The following GAP43 variants were observed in gnomAD, a reference collection of about 807,000 sequenced individuals.
GAP43 encodes neuromodulin.
A neutral mutation model predicts 18.6 loss-of-function variants in GAP43; 6 were observed. That is an observed-to-expected ratio of 0.32 (90% CI 0.18 to 0.64). The LOEUF is 0.64. Among genes scored for constraint, GAP43 ranks in the 30% least tolerant of loss-of-function variants. The pLI is 0.78. For missense variants in GAP43, 292 were observed against 295.5 expected (o/e 0.99, Z 0.09); for synonymous variants, 115 against 111.4 (o/e 1.03, Z -0.20).
intron 2 of GAP43, among the ~76,000 whole-genome samples, chr3:115,710,486 T>G (rs1051062518): frequency 6.6e-6 from 1 of 152,154 alleles, no homozygotes; most frequent in African/African-American, 2.4e-5. Context: ...GATTCATTGA[T>G]CAGTATAAAA....
intron 1 of GAP43, among the ~76,000 whole-genome samples, chr3:115,651,902 C>T (rs1288350878): frequency 1.3e-5 from 2 of 152,154 alleles, no homozygotes; most frequent in Non-Finnish European, 2.9e-5. Context: ...TTGTTACTCT[C>T]CTCCTCTAAG....
intron 2 of GAP43, among the ~76,000 whole-genome samples, chr3:115,681,496 C>T (rs1219117865): frequency 6.6e-6 from 1 of 152,092 alleles, no homozygotes; most frequent in Non-Finnish European, 1.5e-5. Flanking sequence ...GTCCTACCTG[C>T]CTTGTAATAT....
intron 2 of GAP43, among the ~76,000 whole-genome samples, chr3:115,677,167 G>T (rs958418562): frequency 1.3e-5 from 2 of 152,178 alleles, no homozygotes; most frequent in Admixed American, 1.3e-4. Flanking sequence ...TTGGTGAGTA[G>T]TGTGTGTATA....
intron 1 of GAP43, 34 bp downstream of exon 1, chr3:115,623,753 T>C (rs1708144375): frequency 6.2e-7 from 1 of 1,612,614 alleles, no homozygotes; most frequent in Non-Finnish European, 8.5e-7. Flanking sequence ...CTTGCTGTTG[T>C]GAAATAACCC....
intron 2 of GAP43, among the ~76,000 whole-genome samples, chr3:115,685,396 G>C (rs1404743338): frequency 6.6e-6 from 1 of 152,158 alleles, no homozygotes; most frequent in Non-Finnish European, 1.5e-5. Flanking sequence ...TTCCTCATCT[G>C]ACACAATTAA....
intron 2 of GAP43, among the ~76,000 whole-genome samples, chr3:115,717,870 G>A (rs984667322): frequency 1.1e-4 from 17 of 152,042 alleles, no homozygotes; most frequent in African/African-American, 3.1e-4. Flanking sequence ...GCCAAATTTC[G>A]TCTTTTGTCC....
At chr3:115,677,913 T>A (rs945005876) in intron 2 of GAP43, among the ~76,000 whole-genome samples, 4 of 152,268 alleles carry the variant, frequency 2.6e-5, no homozygotes, top group Non-Finnish European at 5.9e-5. Context: ...ATTTTAGGTC[T>A]ACTTCTTTCA....
chr3:115,720,701 AAAG>A lies in GAP43; in HGVS notation c.629-87_629-85del, dbSNP rs1335376696. ...TTAATGCTCTTATGAAATGACATAA[AAAG>A]AAGAAATGCATTGCACTGTTGTATG... On this transcript the variant is annotated intron_variant, in intron 2 of 2. Transcript: ENST00000305124. The A allele has an allele frequency of 1.6e-5, 12 of 729,788 alleles. No homozygotes were observed. In the African/African-American group the frequency reaches 2.0e-4, roughly 12 times the overall value. The allele number at this position is 729,788 out of a possible 1,614,324, so 45.2% of individuals were successfully genotyped here.
rs142764429 is a variant in GAP43 at position 115,696,994 on chromosome 3, TA to T, written c.628+20387del. ...ACTACAGGCGCCCACCACACCCGGCTAAATTTTGTAATTTTGTATTTTTGTA... is the reference window on the plus strand; with the variant it reads ...ACTACAGGCGCCCACCACACCCGGCTAATTTTGTAATTTTGTATTTTTGTA... On this transcript the variant is annotated intron_variant, in intron 2 of 2. Transcript: ENST00000305124. Among the ~76,000 whole-genome samples, 1,416 of 151,834 alleles carry T rather than the reference TA, an allele frequency of 9.3e-3. 22 individuals are homozygous for T. Among genetic ancestry groups the T allele is most frequent in the African/African-American group, 0.033 (1,365 of 41,386 alleles).
rs538904728 is a variant in GAP43, at chr3:115,695,106, A to G, written c.628+18496A>G. ...TTCAAAGTGCTTTACATAAACTACC[A>G]CAGAAGTTCAATGTGATCAGAAAAG... On this transcript the variant is annotated intron_variant, in intron 2 of 2. Coordinates refer to ENST00000305124, the MANE Select transcript of GAP43 (RefSeq NM_002045.4). Among the ~76,000 whole-genome samples the G allele has an allele frequency of 2.0e-5, 3 of 152,342 alleles. No individual in the cohort carries two copies. In the East Asian group the frequency reaches 5.8e-4, roughly 29 times the overall value.
At chr3:115,687,327 A>C (rs796867503) in intron 2 of GAP43, among the ~76,000 whole-genome samples, 19 of 152,318 alleles carry the variant, frequency 1.2e-4, no homozygotes, top group African/African-American at 4.6e-4. Context: ...ATGATATAGT[A>C]GATTTTGTGT....
intron 1 of GAP43, among the ~76,000 whole-genome samples, chr3:115,631,534 C>T (rs992866405): frequency 6.6e-6 from 1 of 152,200 alleles, no homozygotes; most frequent in East Asian, 1.9e-4. Flanking sequence ...ATTCATGGCT[C>T]TAAGCAAACA....
intron 1 of GAP43, among the ~76,000 whole-genome samples, chr3:115,653,589 T>G (rs989990558): frequency 6.6e-6 from 1 of 152,204 alleles, no homozygotes; most frequent in Non-Finnish European, 1.5e-5. Context: ...CTCCTAAAAC[T>G]TTTATTTCTC....
intron 1 of GAP43, among the ~76,000 whole-genome samples, chr3:115,671,077 AAC>A (rs1387792678): frequency 2.0e-5 from 3 of 152,230 alleles, no homozygotes; most frequent in Admixed American, 6.5e-5. Flanking sequence ...TTCCTATGAT[AAC>A]TGGGAAAAGT....
chr3:115,625,115 G>A (rs1317539051), intron 1 of GAP43, among the ~76,000 whole-genome samples: 5 of 152,074 alleles, frequency 3.3e-5, no homozygotes, highest in African/African-American at 4.8e-5. Context: ...CGCCCTGGAA[G>A]GAAGGGTGGG....
chr3:115,667,664 C>T (rs1479694214), intron 1 of GAP43, among the ~76,000 whole-genome samples: 1 of 152,174 alleles, frequency 6.6e-6, no homozygotes, highest in Admixed American at 6.5e-5. Context: ...TTGGCATGTG[C>T]TTTGCTCTTG....
intron 2 of GAP43, among the ~76,000 whole-genome samples, chr3:115,717,779 T>C (rs902214572): frequency 1.3e-5 from 2 of 152,174 alleles, no homozygotes; most frequent in African/African-American, 2.4e-5. Context: ...TAAAATACTT[T>C]GAAGCATTTG....
At chr3:115,645,346 A>G (rs2107472356) in intron 1 of GAP43, among the ~76,000 whole-genome samples, 1 of 152,120 alleles carries the variant, frequency 6.6e-6, no homozygotes, top group South Asian at 2.1e-4. Flanking sequence ...CAAGTGAGTG[A>G]AAGCAAATTA....
chr3:115,624,867 GGTGAGT>G (rs1708166006), intron 1 of GAP43, among the ~76,000 whole-genome samples: 1 of 151,382 alleles, frequency 6.6e-6, no homozygotes, highest in Non-Finnish European at 1.5e-5. Flanking sequence ...GTGGGATACG[GGTGAGT>G]GTGTGCGTAT....
Sources: allele counts gnomAD v4.1 joint callset (sites outside exome capture counted in the v4.1 genomes callset), GRCh38; gene constraint gnomAD v4.1.1; transcripts MANE v1.5; gene names NCBI Gene and HGNC (gene_info 2026-07-23, HGNC 2026-07-21).